The following CHD8 variants were observed in gnomAD, a reference collection of about 807,000 sequenced individuals.
The protein encoded by CHD8 is chromodomain helicase DNA binding protein 8.
A neutral mutation model predicts 279.2 loss-of-function variants in CHD8; 31 were observed. That is an observed-to-expected ratio of 0.11 (90% confidence interval 0.08 to 0.15). The LOEUF (loss-of-function observed/expected upper bound fraction) is 0.15. Ranked by LOEUF, CHD8 falls within the 10% of genes least tolerant of loss-of-function variation. CHD8 has a pLI of 1.00. For synonymous variants in CHD8, 1,081 were observed against 1,139.6 expected, an observed-to-expected ratio of 0.95 and a Z score of 1.04; for missense variants, 2,146 against 3,230.5, an observed-to-expected ratio of 0.66 and a Z score of 8.14.
chr14:21,394,777 A>T, intron 30 of CHD8, 135 bp downstream of exon 30: 2 of 897,006 alleles, frequency 2.2e-6, no homozygotes, highest in Non-Finnish European at 3.4e-6. Flanking sequence ...TTTAATTTCT[A>T]CAGGTTTAAC....
chr14:21,433,505 A>G lies in CHD8; in HGVS notation c.-215-1647T>C, dbSNP rs576597947. 5.3e-5 allele frequency among the ~76,000 whole-genome samples: 8 copies of G among 152,348 alleles called. No individual in the cohort carries two copies. The East Asian group carries it at 1.5e-3, about 29-fold the overall frequency. On this transcript the variant is annotated intron_variant, in intron 1 of 37. Transcript: ENST00000646647. Reference sequence around the variant, plus strand: ...AGACACCAGATAAGAAATTTGTCAGAGGCACAGTCCTGACTGAAGGAGACT... The same window carrying G: ...AGACACCAGATAAGAAATTTGTCAGGGGCACAGTCCTGACTGAAGGAGACT...
At position 21,400,965 on chromosome 14, in the gene CHD8, T is replaced by C. The variant is rs1352914205; in HGVS notation, c.4280A>G (p.Asp1427Gly). The stretch of plus-strand genomic sequence containing the variant: ...ATGTCTGCGGGAGCGTGGCCGCTCA[T>C]CATCCTCACTTTCCAAATCAGAGAA... The part of the protein sequence containing the change: ...VEFSDLESED[D>G]ERPRSRRHDR... The change falls in exon 22 of 38, where the codon GAT becomes GGT. Residue 1427 changes from aspartate (D) to glycine (G), a missense_variant. By Grantham distance (94) the Asp-to-Gly change is moderately conservative. Coordinates refer to ENST00000646647, the MANE Select transcript of CHD8 (RefSeq NM_001170629.2). This position sits in a 1 kb window ranked among gnomAD's most constrained non-coding sequence, Gnocchi z 4.2. 1 of 1,614,038 alleles carries C rather than the reference T, an allele frequency of 6.2e-7. No individual in the cohort carries two copies. Among genetic ancestry groups the C allele is most frequent in the East Asian group, 2.2e-5 (1 of 44,890 alleles).
chr14:21,425,172 G>C (rs990802588), intron 5 of CHD8, among the ~76,000 whole-genome samples: 29 of 152,190 alleles, frequency 1.9e-4, no homozygotes, highest in African/African-American at 6.5e-4. Context: ...TCAGAATCCT[G>C]AAGTGTAGAA....
chr14:21,397,793 A>G, intron 27 of CHD8, 30 bp downstream of exon 27: 7 of 1,606,314 alleles, frequency 4.4e-6, no homozygotes, highest in Non-Finnish European at 6.0e-6. Context: ...CACAAGTTAG[A>G]GTTTTAAAAG....
chr14:21,428,202 C>T lies in CHD8; in HGVS notation c.1268G>A (p.Ser423Asn). The T allele has an allele frequency of 1.2e-6, 2 of 1,614,006 alleles. No homozygotes were observed. Among genetic ancestry groups the T allele is most frequent in the African/African-American group, 2.7e-5 (2 of 75,048 alleles). The stretch of plus-strand genomic sequence containing the variant: ...TGACAAAGCTGCCACTTCACTGGCA[C>T]TCAGAACTTTAACTACAGAGAGCCC... ...SSGLSVVKVL[S>N]ASEVAALSSP... is the part of the protein sequence containing the mutation. The change falls in exon 4 of 38, where the codon AGT becomes AAT. Residue 423 changes from serine (S) to asparagine (N), a missense_variant. Ser to Asn is a conservative substitution (Grantham distance 46). Transcript: ENST00000646647.
chr14:21,423,781 A>G (rs1417839141), intron 5 of CHD8, among the ~76,000 whole-genome samples: 1 of 152,160 alleles, frequency 6.6e-6, no homozygotes, highest in Non-Finnish European at 1.5e-5. Flanking sequence ...TGAGCCAAAC[A>G]CTGTTATATG....
intron 14 of CHD8, among the ~76,000 whole-genome samples, chr14:21,406,504 A>C (rs1167451462): frequency 6.6e-6 from 1 of 152,242 alleles, no homozygotes; most frequent in Non-Finnish European, 1.5e-5. Flanking sequence ...TACTGACTCC[A>C]GGCAAGATCA....
chr14:21,420,814 G>A (rs1889001551), intron 5 of CHD8, among the ~76,000 whole-genome samples: 1 of 151,736 alleles, frequency 6.6e-6, no homozygotes, highest in South Asian at 2.1e-4. Context: ...CCAGGCTGGA[G>A]TGCAATGGCA....
At chr14:21,386,308 G>T in intron 37 of CHD8, 132 bp from the exon 38 acceptor site, 1 of 786,338 alleles carries the variant, frequency 1.3e-6, no homozygotes, top group Non-Finnish European at 2.0e-6. Flanking sequence ...CAAGCACAGC[G>T]ATACTAGGCT....
intron 1 of CHD8, chr14:21,454,999 T>C (rs1177931236): frequency 6.6e-6 from 1 of 152,184 alleles, no homozygotes; most frequent in African/African-American, 2.4e-5. Flanking sequence ...TATGCTAACC[T>C]AGGCTGAGAA....
intron 1 of CHD8, among the ~76,000 whole-genome samples, chr14:21,437,717 G>C (rs1479616613): frequency 6.6e-6 from 1 of 152,100 alleles, no homozygotes; most frequent in Non-Finnish European, 1.5e-5. Flanking sequence ...TCCCTCCATC[G>C]TGGGAGTCAG....
At chr14:21,439,510 G>A (rs1889903164) in intron 1 of CHD8, among the ~76,000 whole-genome samples, 1 of 152,206 alleles carries the variant, frequency 6.6e-6, no homozygotes, top group South Asian at 2.1e-4. Context: ...GGCTTAGAGA[G>A]TTGAATGTTT....
At position 21,394,507 on chromosome 14, in the gene CHD8, A is replaced by G. The variant is rs77562111; in HGVS notation, c.5391-22T>C. On this transcript the variant is annotated intron_variant, in intron 30 of 37. Transcript: ENST00000646647. Reference sequence around the variant, plus strand: ...CCATCTACAAAAGGAAAAGTAGGGCAACAATAATCAGAAGAACACATCAGA... The same window carrying G: ...CCATCTACAAAAGGAAAAGTAGGGCGACAATAATCAGAAGAACACATCAGA... 1,396 of 1,513,088 alleles carry G rather than the reference A, an allele frequency of 9.2e-4. 18 individuals are homozygous for G. The East Asian group carries it at 0.031, about 33-fold the overall frequency. 93.7% of individuals were successfully genotyped at this position (1,513,088 alleles called of 1,614,324 possible).
chr14:21,449,127 C>T (rs1232380913), intron 1 of CHD8, among the ~76,000 whole-genome samples: 6 of 151,844 alleles, frequency 4.0e-5, no homozygotes, highest in Non-Finnish European at 8.8e-5. Flanking sequence ...TGAGCCAAGA[C>T]TGCGCCACTG....
chr14:21,406,810 C>A lies in CHD8; in HGVS notation c.2907+46G>T, dbSNP rs370847692. Reference sequence around the variant, plus strand: ...GTTATTTTAATACCGCAAGGAATTACGGTTTATTCCAGGTGTTTCTGCTCA... The same window carrying A: ...GTTATTTTAATACCGCAAGGAATTAAGGTTTATTCCAGGTGTTTCTGCTCA... On this transcript the variant is annotated intron_variant, in intron 14 of 37. Coordinates refer to ENST00000646647, the MANE Select transcript of CHD8 (RefSeq NM_001170629.2). The A allele has an allele frequency of 1.1e-5, 17 of 1,515,086 alleles. No individual in the cohort carries two copies. The South Asian group carries it at 1.8e-4, about 16-fold the overall frequency. The allele number at this position is 1,515,086 out of a possible 1,614,324, so 93.9% of individuals were successfully genotyped here.
At position 21,426,146 on chromosome 14, in the gene CHD8, A is replaced by T. The variant is rs1889307470; in HGVS notation, c.1698T>A (p.Asp566Glu). The T allele has an allele frequency of 6.2e-7, 1 of 1,604,874 alleles. No individual in the cohort carries two copies. The change falls in exon 5 of 38, where the codon GAT (aspartate) becomes GAA (glutamate). Residue 566 changes from aspartate to glutamate, a missense_variant. By Grantham distance (45) the Asp-to-Glu change is conservative (BLOSUM62 2). Coordinates refer to ENST00000646647, the MANE Select transcript of CHD8 (RefSeq NM_001170629.2). Reference sequence around the variant, plus strand: ...CTTTTACCTGAATGCTGCTTTCTTCATCTTCTCGAGGTGACTGTGCAGGCA... The same window carrying T: ...CTTTTACCTGAATGCTGCTTTCTTCTTCTTCTCGAGGTGACTGTGCAGGCA... ...EVMPAQSPRE[D>E]EESSIQKRRS... is the part of the protein sequence containing the mutation.
At chr14:21,395,979 T>C (rs1254965751) in intron 27 of CHD8, 87 bp from the exon 28 acceptor site, 8 of 824,868 alleles carry the variant, frequency 9.7e-6, no homozygotes, top group Non-Finnish European at 1.4e-5. Context: ...GCCACACATA[T>C]ATCCAGCATG....
Position 21,395,857 on chromosome 14 carries a change from T to G in CHD8, c.5087A>C (p.Tyr1696Ser). ...CTTTGGGGGACCTTGGAGTGGTTTATATTCAGGATCTTCACAATCTTTATC... is the reference window on the plus strand; with the variant it reads ...CTTTGGGGGACCTTGGAGTGGTTTAGATTCAGGATCTTCACAATCTTTATC... ...DFDKDCEDPE[Y>S]KPLQGPPKDQ... Residue 1696 changes from tyrosine (Y) to serine (S), a missense_variant, in exon 28 of 38, where the codon TAT becomes TCT. By Grantham distance (144) the Tyr-to-Ser change is moderately radical. Coordinates refer to ENST00000646647, the MANE Select transcript of CHD8 (RefSeq NM_001170629.2). The G allele has an allele frequency of 6.2e-7, 1 of 1,612,364 alleles. No individual in the cohort carries two copies. Among genetic ancestry groups the G allele is most frequent in the South Asian group, 1.1e-5 (1 of 90,982 alleles).
chr14:21,439,519 T>C, intron 1 of CHD8, among the ~76,000 whole-genome samples: 1 of 152,206 alleles, frequency 6.6e-6, no homozygotes, highest in East Asian at 1.9e-4. Context: ...AGTTGAATGT[T>C]TGACTATGAA....
Sources: gnomAD v4.1 joint callset for allele counts (sites outside exome capture counted in the v4.1 genomes callset) on GRCh38, gnomAD v4.1.1 for gene constraint, Gnocchi (gnomAD v3.1) non-coding constraint, MANE v1.5 for transcripts, NCBI Gene and HGNC (gene_info 2026-07-23, HGNC 2026-07-21) for gene names.